The following SLC7A8 variants were observed in gnomAD, a reference collection of about 807,000 sequenced individuals.
SLC7A8 encodes solute carrier family 7 member 8.
SLC7A8 carries 30 observed loss-of-function variants against 51.2 expected under a neutral mutation model. The ratio of observed to expected loss-of-function variants is 0.59; its 90% CI spans 0.44 to 0.80. The LOEUF (loss-of-function observed/expected upper bound fraction) is 0.80, where lower values mean the gene tolerates loss of function less well. Ranked by LOEUF, SLC7A8 falls within the 30% of genes least tolerant of loss-of-function variation. The pLI, the probability that SLC7A8 is intolerant of heterozygous loss-of-function variation, is 0.00. For missense variants in SLC7A8, 612 were observed against 674.4 expected (o/e 0.91, Z 1.03); for synonymous variants, 257 against 275.8 (o/e 0.93, Z 0.67).
intron 8 of SLC7A8, among the ~76,000 whole-genome samples, chr14:23,130,452 A>AT (rs1219019752): frequency 6.6e-6 from 1 of 152,178 alleles, no homozygotes; most frequent in Non-Finnish European, 1.5e-5. Flanking sequence ...CTCCCCTCTG[A>AT]TAACTTGTGA....
intron 1 of SLC7A8, among the ~76,000 whole-genome samples, chr14:23,168,312 A>C (rs1386229892): frequency 6.6e-6 from 1 of 152,120 alleles, no homozygotes; most frequent in African/African-American, 2.4e-5. Context: ...GGACTACAAA[A>C]CCTGCTTGTA....
At chr14:23,182,711 A>C (rs555255239) in intron 1 of SLC7A8, 53 bp downstream of exon 1, 16 of 1,503,852 alleles carry the variant, frequency 1.1e-5, no homozygotes, top group Non-Finnish European at 1.4e-5. Flanking sequence ...AAGATCTCAC[A>C]GGAGGACCAC....
At chr14:23,155,113 G>T in intron 3 of SLC7A8, 4 of 1,494,556 alleles carry the variant, frequency 2.7e-6, no homozygotes, top group African/African-American at 1.4e-5. Context: ...CTTGCCTATC[G>T]CACGATAGTA....
At chr14:23,164,483 C>T (rs1166144828) in intron 3 of SLC7A8, among the ~76,000 whole-genome samples, 2 of 152,154 alleles carry the variant, frequency 1.3e-5, no homozygotes, top group African/African-American at 2.4e-5. Context: ...TTAACACTGG[C>T]CCAGCTTACC....
intron 3 of SLC7A8, among the ~76,000 whole-genome samples, chr14:23,143,628 G>A (rs1025562920): frequency 6.6e-6 from 1 of 152,204 alleles, no homozygotes; most frequent in African/African-American, 2.4e-5. Flanking sequence ...GGAATCTTAT[G>A]TTACTTAGGT....
At chr14:23,178,662 C>A (rs1339598493) in intron 1 of SLC7A8, among the ~76,000 whole-genome samples, 1 of 151,502 alleles carries the variant, frequency 6.6e-6, no homozygotes, top group Non-Finnish European at 1.5e-5. Flanking sequence ...CACGTGTAAC[C>A]CCAACACTTC....
chr14:23,160,570 TAAA>T (rs11405198), intron 3 of SLC7A8, among the ~76,000 whole-genome samples: 26 of 127,158 alleles, frequency 2.0e-4, no homozygotes, highest in African/African-American at 7.2e-4. Flanking sequence ...GACTCCGTCT[TAAA>T]AAAAAAAAAA....
In SLC7A8 at chr14:23,161,925, T is replaced by TCAAAAAAAA. The variant is rs57814296; in HGVS notation, c.508+3359_508+3360insTTTTTTTTG. Among the ~76,000 whole-genome samples, 13 of 107,186 alleles carry TCAAAAAAAA rather than the reference T, an allele frequency of 1.2e-4. 6 individuals are homozygous for TCAAAAAAAA. The highest frequency in any genetic ancestry group is 9.2e-5 in the Non-Finnish European group (5 of 54,514). 70.3% of individuals were successfully genotyped at this position (107,186 alleles called of 152,430 possible). A position where few individuals can be genotyped will look rare whatever the true frequency, so the allele number is the denominator to read the frequency against. ...CTGGGTGACAGAGTGAGACTCCATC[T>TCAAAAAAAA]AAAAAAAAAAAAAAAAAAAGCATCT... On this transcript the variant is annotated intron_variant, in intron 3 of 10. Transcript: ENST00000316902.
intron 4 of SLC7A8, 137 bp from the exon 5 acceptor site, chr14:23,140,761 T>G: frequency 1.2e-6 from 1 of 817,118 alleles, no homozygotes; most frequent in Non-Finnish European, 1.9e-6. Context: ...GAACCCAACA[T>G]ATTGGATAAA....
At position 23,140,632 on chromosome 14, in the gene SLC7A8, C is replaced by T; in HGVS notation, c.635-8G>A. The T allele has an allele frequency of 2.5e-6, 4 of 1,608,100 alleles. No individual in the cohort carries two copies. In the South Asian group the frequency reaches 4.4e-5, roughly 18 times the overall value. ...CCAGCCAGAAGTACTCTCCTGTGGA[C>T]ACAAGCAACAGGAGGCCGCTCAGTG... On this transcript the variant is annotated splice_polypyrimidine_tract_variant and splice_region_variant and intron_variant, in intron 4 of 10. Coordinates refer to ENST00000316902, the MANE Select transcript of SLC7A8 (RefSeq NM_012244.4).
rs1189352285 is a variant in SLC7A8, at chr14:23,134,810, TAAG to T, written c.1016+3108_1016+3110del. 4.6e-5 allele frequency among the ~76,000 whole-genome samples: 7 copies of T among 152,370 alleles called. No homozygotes were observed. The East Asian group carries it at 7.7e-4, about 17-fold the overall frequency. ...AACCAAGTACAGTTGTAAGAAATAA[TAAG>T]GAGAGATCCTATGTATCTTTTGCCC... On this transcript the variant is annotated intron_variant, in intron 7 of 10. Transcript: ENST00000316902.
At chr14:23,154,171 T>A in intron 3 of SLC7A8, 2 of 888,010 alleles carry the variant, frequency 2.3e-6, no homozygotes, top group Non-Finnish European at 2.7e-6. Context: ...AACAGGCACC[T>A]TTCTGGATGG....
At chr14:23,172,334 T>C (rs541107923) in intron 1 of SLC7A8, among the ~76,000 whole-genome samples, 2 of 152,326 alleles carry the variant, frequency 1.3e-5, no homozygotes, top group African/African-American at 2.4e-5. Context: ...TAGGTGTAAT[T>C]TGTAGATGCC....
chr14:23,180,186 G>A (rs8010982), intron 1 of SLC7A8, among the ~76,000 whole-genome samples: 123,514 of 152,070 alleles, frequency 0.81, 50,700 homozygotes, highest in East Asian at 0.97. Flanking sequence ...GATTACAGGT[G>A]TGAGCCACCG....
At chr14:23,177,394 C>T (rs1017712483) in intron 1 of SLC7A8, among the ~76,000 whole-genome samples, 18 of 152,230 alleles carry the variant, frequency 1.2e-4, no homozygotes, top group African/African-American at 3.9e-4. Flanking sequence ...GTTTCTGTAC[C>T]TTGCTTCTAT....
At chr14:23,150,121 C>A (rs1284735154) in intron 3 of SLC7A8, among the ~76,000 whole-genome samples, 1 of 152,216 alleles carries the variant, frequency 6.6e-6, no homozygotes, top group East Asian at 1.9e-4. Context: ...TTCTTTAGTG[C>A]CTTTTGAAAT....
At position 23,127,201 on chromosome 14, in the gene SLC7A8, G is replaced by A. The variant is rs532948780; in HGVS notation, c.1584C>T (p.Asp528=). Residue 528 remains aspartate (D), a synonymous_variant, in exon 11 of 11, where the codon GAC becomes GAT. Coordinates refer to ENST00000316902, the MANE Select transcript of SLC7A8 (RefSeq NM_012244.4). Reference sequence around the variant, plus strand: ...CTCAGGGCTGGGGCTGCCCCGCCACGTCCTTGTCCTTCGTGGGAGTGGGTT... The same window carrying A: ...CTCAGGGCTGGGGCTGCCCCGCCACATCCTTGTCCTTCGTGGGAGTGGGTT... ...MYQPTPTKDK[D]VAGQPQP is the part of the protein sequence containing the mutation. 4.3e-5 allele frequency: 70 copies of A among 1,614,076 alleles called. No individual in the cohort carries two copies. The East Asian group carries it at 8.2e-4, about 19-fold the overall frequency.
At chr14:23,167,389 G>T (rs1009437177) in intron 1 of SLC7A8, among the ~76,000 whole-genome samples, 1 of 152,142 alleles carries the variant, frequency 6.6e-6, no homozygotes, top group Non-Finnish European at 1.5e-5. Context: ...GGGTTAAGTG[G>T]CTTTCTCCAA....
Position 23,129,681 on chromosome 14 carries a change from C to G in SLC7A8, c.1232G>C (p.Trp411Ser), listed in dbSNP as rs1484109392. 1 of 1,614,182 alleles carries G rather than the reference C, an allele frequency of 6.2e-7. No individual in the cohort carries two copies. Among genetic ancestry groups the G allele is most frequent in the Non-Finnish European group, 8.5e-7 (1 of 1,180,024 alleles). Residue 411 changes from tryptophan (W) to serine (S), a missense_variant, in exon 9 of 11, where the codon TGG (tryptophan) becomes TCG (serine). Physicochemically the swap from Trp to Ser is radical, Grantham distance 177. Transcript: ENST00000316902. ...GGGGCGGGGGATATCAGGCTTCTTC[C>G]AGCGAAGGACTATCTGTCCAGCAAC... ...VTVAGQIVLRWKKPDIPRPIK... is the reference protein window; with the variant it reads ...VTVAGQIVLRSKKPDIPRPIK...
Sources: gnomAD v4.1 joint callset for allele counts (sites outside exome capture counted in the v4.1 genomes callset) on GRCh38, gnomAD v4.1.1 for gene constraint, MANE v1.5 for transcripts, NCBI Gene and HGNC (gene_info 2026-07-23, HGNC 2026-07-21) for gene names.